Variants in C2orf69 observed in about 807,000 individuals in gnomAD.
C2orf69 encodes the protein chromosome 2 open reading frame 69, also known as mitochondrial protein C2orf69.
C2orf69 carries 19 observed loss-of-function variants against 29.5 expected under a neutral mutation model. The ratio of observed to expected loss-of-function variants is 0.65; its 90% confidence interval spans 0.45 to 0.95. C2orf69 has a LOEUF of 0.95. Among genes scored for constraint, C2orf69 ranks in the 40% least tolerant of loss-of-function variants. C2orf69 has a pLI of 0.00. For missense variants in C2orf69, 416 were observed against 482.1 expected, an observed-to-expected ratio of 0.86 and a Z score of 1.28; for synonymous variants, 194 against 180.0, an observed-to-expected ratio of 1.08 and a Z score of -0.62.
rs2077342567 is a variant in C2orf69, at chr2:199,928,039, A to G, written c.*2153A>G. On this transcript the variant is annotated 3_prime_UTR_variant, in exon 2 of 2. Transcript: ENST00000319974. ...CAAAATGAGACAGTGTTGAAAAGAC[A>G]AAATATTTTCTGGAATGAAAATATA... 3.9e-5 allele frequency: 6 copies of G among 152,584 alleles called. No homozygotes were observed. The highest frequency in any genetic ancestry group is 1.3e-4 in the Admixed American group (2 of 15,278). 9.5% of individuals were successfully genotyped at this position (152,584 alleles called of 1,614,324 possible).
At chr2:199,912,491 T>G (rs1027563238) in intron 1 of C2orf69, among the ~76,000 whole-genome samples, 3 of 152,228 alleles carry the variant, frequency 2.0e-5, no homozygotes, top group Non-Finnish European at 4.4e-5. Context: ...ATCCAGTTAT[T>G]CATATTAGCT....
At chr2:199,912,344 A>G (rs2077267801) in intron 1 of C2orf69, among the ~76,000 whole-genome samples, 1 of 152,156 alleles carries the variant, frequency 6.6e-6, no homozygotes, top group Non-Finnish European at 1.5e-5. Context: ...TATGTTTATT[A>G]TTTTATAGCT....
rs1311758027 is a variant in C2orf69 at position 199,927,545 on chromosome 2, A to G, written c.*1659A>G. On this transcript the variant is annotated 3_prime_UTR_variant, in exon 2 of 2. Coordinates refer to ENST00000319974, the MANE Select transcript of C2orf69 (RefSeq NM_153689.6). ...TTTAACACTTAATTTTATAAACTGC[A>G]GAACAGCATCTCTAAATGGCTTTTT... 6.7e-6 allele frequency: 1 copy of G among 149,970 alleles called. No individual in the cohort carries two copies. The highest frequency in any genetic ancestry group is 2.4e-5 in the African/African-American group (1 of 40,910). 9.3% of individuals were successfully genotyped at this position (149,970 alleles called of 1,614,324 possible). A position where few individuals can be genotyped will look rare whatever the true frequency, so the allele number is the denominator to read the frequency against.
At position 199,926,517 on chromosome 2, in the gene C2orf69, C is replaced by G. The variant is rs2077335836; in HGVS notation, c.*631C>G. The G allele has an allele frequency of 6.6e-6, 1 of 152,346 alleles. No homozygotes were observed. The highest frequency in any genetic ancestry group is 1.5e-5 in the Non-Finnish European group (1 of 68,210). The allele number at this position is 152,346 out of a possible 1,614,324, so 9.4% of individuals were successfully genotyped here. On this transcript the variant is annotated 3_prime_UTR_variant, in exon 2 of 2. Coordinates refer to ENST00000319974, the MANE Select transcript of C2orf69 (RefSeq NM_153689.6). ...CATAGCCAGGTGTGGTGGCACGTGC[C>G]TTTAGTTCCAGCTACTCAGGAGGCT...
At chr2:199,921,001 G>GTT (rs71019096) in intron 1 of C2orf69, among the ~76,000 whole-genome samples, 4,266 of 66,966 alleles carry the variant, frequency 0.064, 185 homozygotes, top group African/African-American at 0.091. Context: ...CTAGGAATTA[G>GTT]TTTTTTTTTT....
chr2:199,922,434 T>C (rs1275147284), intron 1 of C2orf69, among the ~76,000 whole-genome samples: 1 of 152,194 alleles, frequency 6.6e-6, no homozygotes, highest in East Asian at 1.9e-4. Context: ...CATAGTGTAC[T>C]GGATTTTTTA....
chr2:199,913,393 CAT>C (rs1355640267), intron 1 of C2orf69, among the ~76,000 whole-genome samples: 21 of 73,528 alleles, frequency 2.9e-4, no homozygotes, highest in Admixed American at 9.2e-4. Context: ...TATATAATAA[CAT>C]ATATTATATA....
At chr2:199,915,113 G>A (rs1343044121) in intron 1 of C2orf69, among the ~76,000 whole-genome samples, 2 of 152,126 alleles carry the variant, frequency 1.3e-5, no homozygotes, top group African/African-American at 4.8e-5. Context: ...CTTGAAATGT[G>A]TTGGCTATTA....
At position 199,911,541 on chromosome 2, in the gene C2orf69, C is replaced by T. The variant is rs773176679; in HGVS notation, c.103C>T (p.Pro35Ser). Residue 35 changes from proline (P) to serine (S), a missense_variant, in exon 1 of 2, where the codon CCG becomes TCG. Pro to Ser is a moderately conservative substitution (Grantham distance 74). Coordinates refer to ENST00000319974, the MANE Select transcript of C2orf69 (RefSeq NM_153689.6). ...SSCSQARTMNPGGSGGARCSL... is the reference protein window; with the variant it reads ...SSCSQARTMNSGGSGGARCSL... ...CTGCTCTCAGGCCAGAACCATGAAC[C>T]CGGGCGGCAGCGGCGGCGCGCGATG... The T allele has an allele frequency of 2.6e-6, 4 of 1,549,788 alleles. No individual in the cohort carries two copies. The South Asian group carries it at 4.8e-5, about 18-fold the overall frequency.
At chr2:199,915,347 G>A (rs941242155) in intron 1 of C2orf69, among the ~76,000 whole-genome samples, 1 of 152,132 alleles carries the variant, frequency 6.6e-6, no homozygotes, top group African/African-American at 2.4e-5. Flanking sequence ...GTGTTCAAGT[G>A]ATCCTCCTGC....
intron 1 of C2orf69, among the ~76,000 whole-genome samples, chr2:199,922,952 C>T (rs546076391): frequency 6.6e-6 from 1 of 152,200 alleles, no homozygotes; most frequent in Non-Finnish European, 1.5e-5. Flanking sequence ...CTCTCCTTTT[C>T]CCCAAACCAT....
rs1227284419 is a variant in C2orf69 at position 199,927,361 on chromosome 2, A to C, written c.*1475A>C. 4 of 151,592 alleles carry C rather than the reference A, an allele frequency of 2.6e-5. No individual in the cohort carries two copies. Among genetic ancestry groups the C allele is most frequent in the Non-Finnish European group, 4.4e-5 (3 of 67,840 alleles). 9.4% of individuals were successfully genotyped at this position (151,592 alleles called of 1,614,324 possible). On this transcript the variant is annotated 3_prime_UTR_variant, in exon 2 of 2. Transcript: ENST00000319974. ...AAGCTTAATACCTTAATGACCCAGAAGACCTAGATTTATAAAGCCATATAG... is the reference window on the plus strand; with the variant it reads ...AAGCTTAATACCTTAATGACCCAGACGACCTAGATTTATAAAGCCATATAG...
chr2:199,916,718 T>G (rs145667451), intron 1 of C2orf69, among the ~76,000 whole-genome samples: 7 of 152,358 alleles, frequency 4.6e-5, no homozygotes, highest in African/African-American at 1.4e-4. Flanking sequence ...TGATCTCCTT[T>G]AACTCCATGT....
rs1277326765 is a variant in C2orf69 at position 199,925,310 on chromosome 2, TTTTAA to T, written c.588_592del (p.Asn196LysfsTer4). 14 of 1,612,486 alleles carry T rather than the reference TTTTAA, an allele frequency of 8.7e-6. No homozygotes were observed. The highest frequency in any genetic ancestry group is 6.7e-5 in the East Asian group (3 of 44,872). On this transcript the variant is annotated frameshift_variant, in exon 2 of 2. Transcript: ENST00000319974. LOFTEE classifies it high-confidence loss of function. The surrounding 1 kb of genome is among the most constrained non-coding windows in gnomAD (Gnocchi z 4.9). ...ACCTTTATATGTTATTAGTTAATGC[TTTTAA>T]TTTAAGTCAGAATAGTTTATCAAAG...
At position 199,911,354 on chromosome 2, in the gene C2orf69, G is replaced by C; in HGVS notation, c.-85G>C. ...GGCCGCGGCCGCCGACCGTTGAGCC[G>C]CCGGCTGAGCCGCCTGCTGAAGTCC... On this transcript the variant is annotated 5_prime_UTR_variant, in exon 1 of 2. Transcript: ENST00000319974. 1 of 1,362,328 alleles carries C rather than the reference G, an allele frequency of 7.3e-7. No individual in the cohort carries two copies. Among genetic ancestry groups the C allele is most frequent in the African/African-American group, 1.5e-5 (1 of 65,018 alleles). 84.4% of individuals were successfully genotyped at this position (1,362,328 alleles called of 1,614,324 possible).
chr2:199,915,152 A>G (rs1574779823), intron 1 of C2orf69, among the ~76,000 whole-genome samples: 3 of 152,272 alleles, frequency 2.0e-5, no homozygotes, highest in East Asian at 3.9e-4. Context: ...TGATTTCTTC[A>G]TCTGTATTTT....
At chr2:199,923,949 A>T (rs1370547254) in intron 1 of C2orf69, among the ~76,000 whole-genome samples, 1 of 152,184 alleles carries the variant, frequency 6.6e-6, no homozygotes, top group Non-Finnish European at 1.5e-5. Context: ...TATCCAGTAA[A>T]TTTTATAGAA....
chr2:199,917,807 A>C (rs1307733178), intron 1 of C2orf69, among the ~76,000 whole-genome samples: 2 of 151,940 alleles, frequency 1.3e-5, no homozygotes, highest in Non-Finnish European at 2.9e-5. Context: ...GCAGCACCCC[A>C]CTCTCTGCAG....
At chr2:199,913,643 AAG>A (rs2077283061) in intron 1 of C2orf69, among the ~76,000 whole-genome samples, 1 of 148,100 alleles carries the variant, frequency 6.8e-6, no homozygotes, top group Non-Finnish European at 1.5e-5. Flanking sequence ...GAGAAAAAAA[AAG>A]AGAATAAAGA....
Sources: allele counts gnomAD v4.1 joint callset (sites outside exome capture counted in the v4.1 genomes callset), GRCh38; gene constraint gnomAD v4.1.1; non-coding constraint Gnocchi (gnomAD v3.1); transcripts MANE v1.5; gene names NCBI Gene and HGNC (gene_info 2026-07-23, HGNC 2026-07-21).